Variants in SORCS1 observed in about 807,000 individuals in gnomAD.
SORCS1 encodes the protein VPS10 domain-containing receptor SorCS1.
SORCS1 carries 60 observed loss-of-function variants against 146.1 expected under a neutral mutation model. The observed-to-expected ratio is 0.41, with a 90% CI of 0.33 to 0.51. The LOEUF (loss-of-function observed/expected upper bound fraction) is 0.51, where lower values mean the gene tolerates loss of function less well. Ranked by LOEUF, SORCS1 falls within the 20% of genes least tolerant of loss-of-function variation. The pLI, the probability that SORCS1 is intolerant of heterozygous loss-of-function variation, is 0.21. For missense variants in SORCS1, 1,352 were observed against 1,487.6 expected, an observed-to-expected ratio of 0.91 and a Z score of 1.50; for synonymous variants, 637 against 584.0, an observed-to-expected ratio of 1.09 and a Z score of -1.31.
chr10:107,039,753 A>G (rs973456128), intron 1 of SORCS1, among the ~76,000 whole-genome samples: 1 of 152,220 alleles, frequency 6.6e-6, no homozygotes, highest in Non-Finnish European at 1.5e-5. Context: ...TAGACATCTG[A>G]CCACAATAAC....
chr10:106,761,848 T>A (rs926414261), intron 4 of SORCS1, among the ~76,000 whole-genome samples, 187 bp from the exon 5 acceptor site: 14 of 152,228 alleles, frequency 9.2e-5, no homozygotes, highest in African/African-American at 3.4e-4. Context: ...CAGACTAATA[T>A]CATCATTTTA....
At chr10:106,716,107 T>C (rs1418261120) in intron 6 of SORCS1, among the ~76,000 whole-genome samples, 2 of 152,258 alleles carry the variant, frequency 1.3e-5, no homozygotes, top group East Asian at 3.9e-4. Flanking sequence ...TAAGTACGTT[T>C]TTAAAAACAC....
intron 1 of SORCS1, among the ~76,000 whole-genome samples, chr10:107,044,597 G>A (rs1959215221): frequency 1.3e-5 from 2 of 150,560 alleles, no homozygotes; most frequent in Admixed American, 1.3e-4. Flanking sequence ...GCCAAGGTAG[G>A]TGGATCACAA....
chr10:106,630,131 C>T (rs1848355623), intron 18 of SORCS1, among the ~76,000 whole-genome samples: 1 of 152,180 alleles, frequency 6.6e-6, no homozygotes, highest in Non-Finnish European at 1.5e-5. Flanking sequence ...CCTGTGTCTT[C>T]AAGACCACCC....
chr10:106,622,082 G>A (rs570161751), intron 19 of SORCS1, among the ~76,000 whole-genome samples: 1 of 152,192 alleles, frequency 6.6e-6, no homozygotes, highest in African/African-American at 2.4e-5. Flanking sequence ...ATGAGGTCAA[G>A]AGATCGAAAC....
chr10:106,820,410 C>CTT (rs1237082606), intron 3 of SORCS1, among the ~76,000 whole-genome samples: 1 of 152,098 alleles, frequency 6.6e-6, no homozygotes, highest in African/African-American at 2.4e-5. Flanking sequence ...GTCAAGGACC[C>CTT]AGTAAAGTAG....
chr10:107,151,290 C>A (rs1174167789), intron 1 of SORCS1, among the ~76,000 whole-genome samples: 1 of 151,960 alleles, frequency 6.6e-6, no homozygotes, highest in African/African-American at 2.4e-5. Context: ...ACAATGAAGC[C>A]CAGTCTGAGG....
intron 1 of SORCS1, among the ~76,000 whole-genome samples, chr10:107,042,220 T>A (rs992393741): frequency 6.6e-6 from 1 of 152,186 alleles, no homozygotes; most frequent in East Asian, 1.9e-4. Context: ...TGTCTTTGAG[T>A]CTGGTGTAAT....
chr10:106,834,197 T>C (rs1948687514), intron 2 of SORCS1, among the ~76,000 whole-genome samples: 2 of 152,208 alleles, frequency 1.3e-5, no homozygotes, highest in South Asian at 2.1e-4. Context: ...CCTATGGACA[T>C]GAGCTCTAAA....
At chr10:106,915,167 C>A (rs75264889) in intron 2 of SORCS1, among the ~76,000 whole-genome samples, 1 of 152,122 alleles carries the variant, frequency 6.6e-6, no homozygotes, top group Non-Finnish European at 1.5e-5. Context: ...GTGATATTCT[C>A]CTCCAAAATG....
intron 10 of SORCS1, among the ~76,000 whole-genome samples, chr10:106,687,342 T>A (rs1852932385): frequency 6.6e-6 from 1 of 152,238 alleles, no homozygotes; most frequent in African/African-American, 2.4e-5. Flanking sequence ...AAATTCATAC[T>A]AATCTATATA....
chr10:106,816,430 G>A (rs554065991), intron 3 of SORCS1, among the ~76,000 whole-genome samples: 3 of 152,294 alleles, frequency 2.0e-5, no homozygotes, highest in South Asian at 4.1e-4. Context: ...CTCAGTGCCT[G>A]ATGTCCCACA....
At chr10:106,593,868 C>G (rs1845754639) in intron 24 of SORCS1, among the ~76,000 whole-genome samples, 1 of 152,172 alleles carries the variant, frequency 6.6e-6, no homozygotes, top group Non-Finnish European at 1.5e-5. Context: ...TCTGGGTCCC[C>G]AAAATATACC....
chr10:107,010,223 T>C (rs535219447), intron 1 of SORCS1, among the ~76,000 whole-genome samples: 67 of 152,368 alleles, frequency 4.4e-4, no homozygotes, highest in Non-Finnish European at 9.0e-4. Flanking sequence ...GCTGTTTTAA[T>C]ACTTTCTAAA....
rs780350572 is a variant in SORCS1 at position 106,675,127 on chromosome 10, C to T, written c.1862G>A (p.Ser621Asn). 3.1e-6 allele frequency: 5 copies of T among 1,613,540 alleles called. No individual in the cohort carries two copies. Among genetic ancestry groups the T allele is most frequent in the East Asian group, 2.2e-5 (1 of 44,860 alleles). ...WLSFDEGRSW[S>N]KYSFTSIPLF... Reference sequence around the variant, plus strand: ...TGGAATAGATGTGAAACTGTATTTGCTCCAAGATCTCCCTTCATCAAAACT... The same window carrying T: ...TGGAATAGATGTGAAACTGTATTTGTTCCAAGATCTCCCTTCATCAAAACT... Residue 621 changes from serine to asparagine, a missense_variant, in exon 14 of 26, where the codon AGC (serine) becomes AAC (asparagine). Transcript: ENST00000263054.
At chr10:106,627,342 G>T (rs1848173143) in intron 19 of SORCS1, among the ~76,000 whole-genome samples, 1 of 152,184 alleles carries the variant, frequency 6.6e-6, no homozygotes, top group Non-Finnish European at 1.5e-5. Flanking sequence ...TAACAAATTT[G>T]TGGTATATGG....
chr10:106,976,532 C>T (rs1320669656), intron 1 of SORCS1, among the ~76,000 whole-genome samples: 3 of 151,870 alleles, frequency 2.0e-5, no homozygotes, highest in Middle Eastern at 3.2e-3. Context: ...GGGGTTTCAC[C>T]GTGTTAGCTA....
At chr10:106,618,321 G>T (rs573379925) in intron 20 of SORCS1, 49 bp from the exon 21 acceptor site, 20 of 1,600,862 alleles carry the variant, frequency 1.2e-5, no homozygotes, top group Middle Eastern at 1.7e-4. Context: ...TTAGTTACAG[G>T]TGACACAGCC....
At chr10:106,996,884 T>A (rs193191094) in intron 1 of SORCS1, among the ~76,000 whole-genome samples, 142 of 147,040 alleles carry the variant, frequency 9.7e-4, no homozygotes, top group African/African-American at 3.5e-3. Context: ...AATATCCATG[T>A]TTTTTTTTCT....
Sources: gnomAD v4.1 joint callset for allele counts (sites outside exome capture counted in the v4.1 genomes callset) on GRCh38, gnomAD v4.1.1 for gene constraint, MANE v1.5 for transcripts, NCBI Gene and HGNC (gene_info 2026-07-23, HGNC 2026-07-21) for gene names.